Variants in KIDINS220 observed in about 807,000 individuals in gnomAD.
KIDINS220 encodes the protein kinase D interacting substrate 220.
In KIDINS220, 63 loss-of-function variants were observed where a neutral mutation model predicts 157.6. The ratio of observed to expected loss-of-function variants is 0.40; its 90% CI spans 0.33 to 0.49. KIDINS220 has a LOEUF of 0.49. Ranked by LOEUF, KIDINS220 falls within the 20% of genes least tolerant of loss-of-function variation. The pLI is 0.66. For synonymous variants in KIDINS220, 732 were observed against 783.6 expected, an observed-to-expected ratio of 0.93 and a Z score of 1.10; for missense variants, 1,772 against 2,171.2, an observed-to-expected ratio of 0.82 and a Z score of 3.65.
intron 26 of KIDINS220, among the ~76,000 whole-genome samples, chr2:8,743,835 C>G (rs1056997283): frequency 2.6e-5 from 4 of 152,078 alleles, no homozygotes; most frequent in Non-Finnish European, 4.4e-5. Flanking sequence ...ATTAAGAGTT[C>G]ATTTCTAAAA....
chr2:8,748,058 G>C, intron 24 of KIDINS220, 58 bp from the exon 25 acceptor site: 1 of 1,009,778 alleles, frequency 9.9e-7, no homozygotes, highest in Non-Finnish European at 1.4e-6. Context: ...AAAGTGTAAT[G>C]AGATTTTTCA....
chr2:8,794,180 C>T (rs1327176681), intron 11 of KIDINS220, 193 bp from the exon 12 acceptor site: 3 of 426,818 alleles, frequency 7.0e-6, no homozygotes, highest in Non-Finnish European at 1.2e-5. Flanking sequence ...TCCAGCTTTG[C>T]TCAGATACTG....
At chr2:8,823,451 AT>A (rs1176349098) in intron 2 of KIDINS220, among the ~76,000 whole-genome samples, 10 of 151,566 alleles carry the variant, frequency 6.6e-5, no homozygotes, top group Non-Finnish European at 1.3e-4. Context: ...AAAAAAAAAA[AT>A]ACCAACTTTT....
chr2:8,779,934 C>T, intron 17 of KIDINS220, 120 bp from the exon 18 acceptor site: 1 of 1,007,454 alleles, frequency 9.9e-7, no homozygotes, highest in Non-Finnish European at 1.4e-6. Flanking sequence ...AAAGTCCTTG[C>T]TGCCAGTTGT....
chr2:8,743,971 C>CAAAAAT (rs1665990281), intron 26 of KIDINS220, among the ~76,000 whole-genome samples: 1 of 151,198 alleles, frequency 6.6e-6, no homozygotes, highest in Non-Finnish European at 1.5e-5. Flanking sequence ...TATTTTTTCT[C>CAAAAAT]TATTATACAA....
At chr2:8,783,923 C>A (rs1041515932) in intron 17 of KIDINS220, among the ~76,000 whole-genome samples, 25 of 151,946 alleles carry the variant, frequency 1.6e-4, no homozygotes, top group African/African-American at 5.8e-4. Flanking sequence ...CAAGGTGAAT[C>A]AAAAGTTCAT....
chr2:8,777,825 T>C (rs1388984531), intron 20 of KIDINS220, among the ~76,000 whole-genome samples: 1 of 152,106 alleles, frequency 6.6e-6, no homozygotes, highest in African/African-American at 2.4e-5. Flanking sequence ...AGGCAAGAAA[T>C]TAAAAATGGT....
At chr2:8,814,411 A>C (rs150638919) in intron 4 of KIDINS220, among the ~76,000 whole-genome samples, 4 of 152,338 alleles carry the variant, frequency 2.6e-5, no homozygotes, top group African/African-American at 9.6e-5. Context: ...ATAAATATTC[A>C]TAAGTCCATA....
In KIDINS220 at chr2:8,770,838, A is replaced by G. The variant is rs774753518; in HGVS notation, c.2849-6T>C. The G allele has an allele frequency of 3.2e-6, 5 of 1,569,102 alleles. No homozygotes were observed. The highest frequency in any genetic ancestry group is 4.3e-6 in the Non-Finnish European group (5 of 1,154,650). On this transcript the variant is annotated splice_region_variant and splice_polypyrimidine_tract_variant and intron_variant, in intron 21 of 29. Coordinates refer to ENST00000256707, the MANE Select transcript of KIDINS220 (RefSeq NM_020738.4). ...ATTGGCTCTCAGTAATCGTCCTTTT[A>G]AAAAATACAAAAGCATTTAAAAATT...
chr2:8,827,996 A>G (rs1558504213), intron 1 of KIDINS220, among the ~76,000 whole-genome samples: 1 of 152,128 alleles, frequency 6.6e-6, no homozygotes. Context: ...AAGAACCACA[A>G]TGTGAGCAGT....
At chr2:8,736,826 C>A (rs376102040) in intron 27 of KIDINS220, 42 bp downstream of exon 27, 8 of 1,609,916 alleles carry the variant, frequency 5.0e-6, no homozygotes, top group Non-Finnish European at 6.8e-6. Flanking sequence ...TGTCTTCCGC[C>A]CCCAGCGCTG....
intron 22 of KIDINS220, among the ~76,000 whole-genome samples, chr2:8,753,893 A>T (rs781376485): frequency 2.0e-5 from 3 of 152,190 alleles, no homozygotes; most frequent in Non-Finnish European, 4.4e-5. Flanking sequence ...AATTAACTTC[A>T]GAAAGTCCGT....
chr2:8,825,512 T>A (rs1678652316), intron 2 of KIDINS220, among the ~76,000 whole-genome samples: 1 of 151,988 alleles, frequency 6.6e-6, no homozygotes, highest in South Asian at 2.1e-4. Context: ...AATAAAAAAA[T>A]TATAAATAAA....
At chr2:8,764,081 CA>C (rs1438741596) in intron 22 of KIDINS220, among the ~76,000 whole-genome samples, 2 of 152,118 alleles carry the variant, frequency 1.3e-5, no homozygotes, top group African/African-American at 2.4e-5. Flanking sequence ...AACAAAATAA[CA>C]TATTTTGCAG....
intron 4 of KIDINS220, among the ~76,000 whole-genome samples, chr2:8,815,925 C>A (rs1234754875): frequency 6.6e-6 from 1 of 152,122 alleles, no homozygotes; most frequent in African/African-American, 2.4e-5. Context: ...AGTGGTCACT[C>A]TCCTCTCCTT....
At chr2:8,800,279 T>A in intron 9 of KIDINS220, 121 bp downstream of exon 9, 1 of 578,988 alleles carries the variant, frequency 1.7e-6, no homozygotes, top group Non-Finnish European at 3.0e-6. Flanking sequence ...ATACGTCTGT[T>A]AAATGTACTA....
At chr2:8,812,166 G>A (rs904241841) in intron 6 of KIDINS220, among the ~76,000 whole-genome samples, 3 of 152,148 alleles carry the variant, frequency 2.0e-5, no homozygotes, top group African/African-American at 7.2e-5. Flanking sequence ...ATCCCGGTCA[G>A]TTTTCTTGGG....
intron 12 of KIDINS220, among the ~76,000 whole-genome samples, chr2:8,791,570 T>C (rs1673200257): frequency 6.6e-6 from 1 of 152,324 alleles, no homozygotes; most frequent in Non-Finnish European, 1.5e-5. Context: ...TCATGCTTTC[T>C]TGTCCATCAC....
At chr2:8,735,394 T>C (rs1664723321) in intron 27 of KIDINS220, among the ~76,000 whole-genome samples, 1 of 151,742 alleles carries the variant, frequency 6.6e-6, no homozygotes, top group East Asian at 1.9e-4. Flanking sequence ...TAGCTGGGAG[T>C]GGTGGCACAT....
Sources: gnomAD v4.1 joint callset for allele counts (sites outside exome capture counted in the v4.1 genomes callset) on GRCh38, gnomAD v4.1.1 for gene constraint, MANE v1.5 for transcripts, NCBI Gene and HGNC (gene_info 2026-07-23, HGNC 2026-07-21) for gene names.